The following RUNDC3B variants were observed in gnomAD, a reference collection of about 807,000 sequenced individuals.
RUNDC3B encodes RUN domain containing 3B, also known as RUN domain-containing protein 3B.
RUNDC3B carries 33 observed loss-of-function variants against 58.4 expected under a neutral mutation model. The ratio of observed to expected loss-of-function variants is 0.56; its 90% CI spans 0.43 to 0.75. The LOEUF is 0.75. RUNDC3B is among the 30% of genes least tolerant of loss of function. The probability of loss-of-function intolerance (pLI) is 0.00; values close to 1 mark genes in which losing one functional copy is unlikely to be tolerated. For missense variants in RUNDC3B, 501 were observed against 535.7 expected (o/e 0.94, Z 0.64); for synonymous variants, 193 against 195.2 (o/e 0.99, Z 0.10).
chr7:87,664,234 G>A (rs1450451752), intron 2 of RUNDC3B, among the ~76,000 whole-genome samples: 1 of 152,114 alleles, frequency 6.6e-6, no homozygotes. Flanking sequence ...GCTGAGGCAG[G>A]AGGGTCACTT....
intron 8 of RUNDC3B, among the ~76,000 whole-genome samples, chr7:87,804,305 C>A (rs1051252810): frequency 6.6e-6 from 1 of 152,082 alleles, no homozygotes; most frequent in Non-Finnish European, 1.5e-5. Context: ...AATAGAGTAG[C>A]CTTGCAACTT....
chr7:87,700,400 A>G lies in RUNDC3B; in HGVS notation c.239-21A>G, dbSNP rs970017501. ...TTTATTTTACTTTTTAAAATTTTAT[A>G]TCGCAATTTGTCTCCTGAAGGTCAA... On this transcript the variant is annotated intron_variant, in intron 2 of 10. Transcript: ENST00000394654. 10 of 1,561,276 alleles carry G rather than the reference A, an allele frequency of 6.4e-6. No individual in the cohort carries two copies. The Admixed American group carries it at 8.4e-5, about 13-fold the overall frequency.
intron 4 of RUNDC3B, among the ~76,000 whole-genome samples, chr7:87,712,286 T>C (rs1830159976): frequency 6.6e-6 from 1 of 152,088 alleles, no homozygotes. Context: ...AGTGAGATGA[T>C]GATAAAACCT....
At chr7:87,767,333 A>G (rs1372289545) in intron 6 of RUNDC3B, among the ~76,000 whole-genome samples, 1 of 152,216 alleles carries the variant, frequency 6.6e-6, no homozygotes, top group Non-Finnish European at 1.5e-5. Flanking sequence ...GAGTTCTTAC[A>G]CTAATTCCTT....
intron 10 of RUNDC3B, among the ~76,000 whole-genome samples, chr7:87,826,513 T>C (rs535121738): frequency 6.6e-6 from 1 of 151,852 alleles, no homozygotes; most frequent in Non-Finnish European, 1.5e-5. Context: ...AAAGAAAACT[T>C]AATCTAAAAC....
chr7:87,815,556 G>A lies in RUNDC3B; in HGVS notation c.1104-585G>A, dbSNP rs76798712. Among the ~76,000 whole-genome samples the A allele has an allele frequency of 3.1e-3, 475 of 151,986 alleles. 6 individuals carry two copies. The East Asian group carries it at 0.049, about 16-fold the overall frequency. ...ACTTTTTATTAGCTTAATAGAAAATGGGCCTCAAAATAGCAACTAGATGAG... is the reference window on the plus strand; with the variant it reads ...ACTTTTTATTAGCTTAATAGAAAATAGGCCTCAAAATAGCAACTAGATGAG... On this transcript the variant is annotated intron_variant, in intron 9 of 10. Coordinates refer to ENST00000394654, the MANE Select transcript of RUNDC3B (RefSeq NM_001134405.2).
chr7:87,725,619 C>A (rs928776594), intron 4 of RUNDC3B, among the ~76,000 whole-genome samples: 1 of 152,174 alleles, frequency 6.6e-6, no homozygotes, highest in Admixed American at 6.5e-5. Flanking sequence ...AATGGGATGG[C>A]TGGGTCAAAT....
intron 2 of RUNDC3B, among the ~76,000 whole-genome samples, chr7:87,674,868 T>C (rs1826169221): frequency 6.6e-6 from 1 of 152,124 alleles, no homozygotes; most frequent in African/African-American, 2.4e-5. Context: ...GGTCTGACGG[T>C]CACCCTAAGG....
chr7:87,733,099 G>A (rs543438009), intron 4 of RUNDC3B, among the ~76,000 whole-genome samples: 3 of 152,172 alleles, frequency 2.0e-5, no homozygotes, highest in African/African-American at 7.2e-5. Context: ...AGATGAGGAC[G>A]TTTATAGCCC....
chr7:87,752,563 G>T (rs1224082784), intron 6 of RUNDC3B, among the ~76,000 whole-genome samples: 1 of 152,054 alleles, frequency 6.6e-6, no homozygotes, highest in Admixed American at 6.6e-5. Flanking sequence ...TCCTGTTATT[G>T]GTCTATTCAG....
At chr7:87,641,849 A>C (rs1194615807) in intron 1 of RUNDC3B, among the ~76,000 whole-genome samples, 2 of 152,194 alleles carry the variant, frequency 1.3e-5, no homozygotes, top group African/African-American at 4.8e-5. Flanking sequence ...TCCTCCAAAG[A>C]TTCATATTTA....
chr7:87,761,153 T>G (rs544469514), intron 6 of RUNDC3B, among the ~76,000 whole-genome samples: 1 of 151,982 alleles, frequency 6.6e-6, no homozygotes, highest in South Asian at 2.1e-4. Context: ...AACCCGATTT[T>G]AAAATGGGCT....
chr7:87,628,421 A>C lies in RUNDC3B; in HGVS notation c.-403A>C. 1 of 159,404 alleles carries C rather than the reference A, an allele frequency of 6.3e-6. No homozygotes were observed. Among genetic ancestry groups the C allele is most frequent in the Non-Finnish European group, 1.4e-5 (1 of 73,094 alleles). The allele number at this position is 159,404 out of a possible 1,614,324, so 9.9% of individuals were successfully genotyped here. ...TTGCCGCTGCCTCCCGGGCTGGGGC[A>C]CGAGTGGCTGCGGAGTGTGGGTGGT... On this transcript the variant is annotated 5_prime_UTR_variant, in exon 1 of 11. Transcript: ENST00000394654.
chr7:87,650,875 C>A lies in RUNDC3B; in HGVS notation c.176C>A (p.Ser59Tyr), dbSNP rs1462834001. The A allele has an allele frequency of 6.2e-7, 1 of 1,613,102 alleles. No homozygotes were observed. The highest frequency in any genetic ancestry group is 8.5e-7 in the Non-Finnish European group (1 of 1,179,320). ...TCTTGCTTTGAGACAATTGATGATT[C>A]TTCTCCTGAATTTAACAATTTTGCA... Reference protein sequence around the residue: ...DRSCFETIDDSSPEFNNFAAI... With the variant: ...DRSCFETIDDYSPEFNNFAAI... The change falls in exon 2 of 11, where the codon TCT becomes TAT. Residue 59 changes from serine to tyrosine, a missense_variant. Transcript: ENST00000394654.
At position 87,824,159 on chromosome 7, in the gene RUNDC3B, GCAATTAGTCATAAGACAGAAACATTT is replaced by G. The variant is rs201590080; in HGVS notation, c.1226-5722_1226-5697del. ...AATTTTATTAAATATCCTCCAACAA[GCAATTAGTCATAAGACAGAAACATTT>G]CAAATTGGAAATCAAAACCTAAGAA... On this transcript the variant is annotated intron_variant, in intron 10 of 10. Transcript: ENST00000394654. Among the ~76,000 whole-genome samples, 479 of 152,166 alleles carry G rather than the reference GCAATTAGTCATAAGACAGAAACATTT, an allele frequency of 3.1e-3. 4 individuals carry two copies. In the East Asian group the frequency reaches 0.049, roughly 16 times the overall value.
intron 6 of RUNDC3B, among the ~76,000 whole-genome samples, chr7:87,751,056 A>G (rs1170717987): frequency 1.3e-5 from 2 of 152,118 alleles, no homozygotes; most frequent in Non-Finnish European, 2.9e-5. Flanking sequence ...TGATTTTTGT[A>G]TAAGGTGTAA....
chr7:87,809,375 A>G (rs1836592530), intron 9 of RUNDC3B, among the ~76,000 whole-genome samples: 1 of 152,180 alleles, frequency 6.6e-6, no homozygotes, highest in Admixed American at 6.5e-5. Flanking sequence ...GGTGTTGTAC[A>G]GAGATCACTT....
intron 9 of RUNDC3B, among the ~76,000 whole-genome samples, chr7:87,811,671 A>G (rs568529151): frequency 1.3e-5 from 2 of 152,070 alleles, no homozygotes; most frequent in East Asian, 3.9e-4. Context: ...AATGACTTTC[A>G]CTTCATATGT....
At chr7:87,764,263 G>A (rs1448272647) in intron 6 of RUNDC3B, among the ~76,000 whole-genome samples, 1 of 151,752 alleles carries the variant, frequency 6.6e-6, no homozygotes, top group Admixed American at 6.6e-5. Context: ...TTCATTTTCA[G>A]TCTTCTGAGT....
Sources: allele counts gnomAD v4.1 joint callset (sites outside exome capture counted in the v4.1 genomes callset), GRCh38; gene constraint gnomAD v4.1.1; transcripts MANE v1.5; gene names NCBI Gene and HGNC (gene_info 2026-07-23, HGNC 2026-07-21).